LIMK2: variants seen among roughly 807,000 people sequenced by gnomAD.
LIMK2 encodes the protein LIM domain kinase 2.
A neutral mutation model predicts 75.7 loss-of-function variants in LIMK2; 35 were observed. The ratio of observed to expected loss-of-function variants is 0.46; its 90% confidence interval spans 0.35 to 0.61. The LOEUF is 0.61. Among genes scored for constraint, LIMK2 ranks in the 20% least tolerant of loss-of-function variants. The probability of loss-of-function intolerance (pLI) is 0.00; values close to 1 mark genes in which losing one functional copy is unlikely to be tolerated. For synonymous variants in LIMK2, 301 were observed against 319.2 expected (o/e 0.94, Z 0.61); for missense variants, 623 against 831.0 (o/e 0.75, Z 3.08).
At chr22:31,230,423 C>T (rs1201347133) in intron 2 of LIMK2, among the ~76,000 whole-genome samples, 1 of 152,066 alleles carries the variant, frequency 6.6e-6, no homozygotes, top group African/African-American at 2.4e-5. Context: ...GATGATTGTC[C>T]GTTCACCCTG....
chr22:31,260,125 T>A, intron 5 of LIMK2, 48 bp downstream of exon 5: 1 of 1,462,606 alleles, frequency 6.8e-7, no homozygotes, highest in Non-Finnish European at 9.1e-7. Flanking sequence ...GCAGAGTCTG[T>A]AAATGGGCCT....
At chr22:31,246,421 T>C (rs1304731104) in intron 2 of LIMK2, among the ~76,000 whole-genome samples, 3 of 151,292 alleles carry the variant, frequency 2.0e-5, no homozygotes, top group African/African-American at 7.3e-5. Flanking sequence ...TGTTGGAACA[T>C]AGCCATGTCC....
chr22:31,248,365 C>T lies in LIMK2; in HGVS notation c.117-9926C>T, dbSNP rs1480258453. 2.6e-5 allele frequency: 33 copies of T among 1,281,116 alleles called. 1 individual carries two copies. Among genetic ancestry groups the T allele is most frequent in the African/African-American group, 1.5e-5 (1 of 65,320 alleles). The allele number at this position is 1,281,116 out of a possible 1,614,324, so 79.4% of individuals were successfully genotyped here. A position where few individuals can be genotyped will look rare whatever the true frequency, so the allele number is the denominator to read the frequency against. ...GGACTGAAGAAGAAGGCTAACTTGA[C>T]AGCAGCGCTTCTTTCTTAGCTAGTC... On this transcript the variant is annotated intron_variant, in intron 2 of 15. Transcript: ENST00000331728.
intron 1 of LIMK2, among the ~76,000 whole-genome samples, chr22:31,219,166 T>C (rs1397583926): frequency 6.6e-6 from 1 of 152,186 alleles, no homozygotes; most frequent in Non-Finnish European, 1.5e-5. Context: ...TCTCTGAGCA[T>C]GGGTTTGAAT....
intron 2 of LIMK2, among the ~76,000 whole-genome samples, chr22:31,230,522 G>A (rs573005312): frequency 3.0e-4 from 45 of 152,142 alleles, no homozygotes; most frequent in Non-Finnish European, 6.0e-4. Context: ...GCTTGACCTG[G>A]TTCCTAGCAG....
intron 2 of LIMK2, among the ~76,000 whole-genome samples, chr22:31,256,188 AG>A (rs1210982344): frequency 2.8e-5 from 4 of 143,780 alleles, no homozygotes; most frequent in Non-Finnish European, 4.6e-5. Flanking sequence ...TAGTAGAGAC[AG>A]GGTTTCACCA....
intron 2 of LIMK2, among the ~76,000 whole-genome samples, chr22:31,254,249 T>C (rs998076684): frequency 5.3e-5 from 8 of 152,096 alleles, no homozygotes; most frequent in Non-Finnish European, 1.2e-4. Context: ...GAAAGGAGGG[T>C]GTGTTCTGGT....
chr22:31,256,732 T>A (rs563761066), intron 2 of LIMK2, among the ~76,000 whole-genome samples: 48 of 152,330 alleles, frequency 3.2e-4, no homozygotes, highest in Middle Eastern at 3.4e-3. Flanking sequence ...GTAAAATATC[T>A]TGCCCAAGAT....
At chr22:31,248,506 A>T in intron 2 of LIMK2, 1 of 1,555,752 alleles carries the variant, frequency 6.4e-7, no homozygotes, top group Non-Finnish European at 8.6e-7. Flanking sequence ...CATCCCAGCC[A>T]TGAGCCCCTG....
At chr22:31,254,099 CGTTGCTCT>C (rs2048752784) in intron 2 of LIMK2, among the ~76,000 whole-genome samples, 1 of 152,224 alleles carries the variant, frequency 6.6e-6, no homozygotes, top group African/African-American at 2.4e-5. Flanking sequence ...GGACTGGTGA[CGTTGCTCT>C]CCAGCCAGGT....
chr22:31,241,595 C>T (rs562352168), intron 2 of LIMK2, among the ~76,000 whole-genome samples: 1 of 152,222 alleles, frequency 6.6e-6, no homozygotes, highest in African/African-American at 2.4e-5. Context: ...CCAAGCACAT[C>T]ACACCCAGGA....
chr22:31,226,733 C>A (rs1241061465), intron 2 of LIMK2, among the ~76,000 whole-genome samples: 2 of 152,232 alleles, frequency 1.3e-5, no homozygotes, highest in African/African-American at 4.8e-5. Context: ...CTTCAGCCCC[C>A]CTAGTAGGTG....
rs1161160653 is a variant in LIMK2 at position 31,212,344 on chromosome 22, T to C, written c.-65T>C. The C allele has an allele frequency of 1.4e-5, 18 of 1,316,912 alleles. No individual in the cohort carries two copies. The highest frequency in any genetic ancestry group is 6.2e-5 in the Admixed American group (2 of 32,130). The allele number at this position is 1,316,912 out of a possible 1,614,324, so 81.6% of individuals were successfully genotyped here. On this transcript the variant is annotated 5_prime_UTR_variant, in exon 1 of 16. Coordinates refer to ENST00000331728, the MANE Select transcript of LIMK2 (RefSeq NM_005569.4). Reference sequence around the variant, plus strand: ...CGGCGGCAGGAGCTGAGGGGAGTTGTAGGGAACTGAGGGGAGCTGCTGTGT... The same window carrying C: ...CGGCGGCAGGAGCTGAGGGGAGTTGCAGGGAACTGAGGGGAGCTGCTGTGT...
intron 7 of LIMK2, among the ~76,000 whole-genome samples, chr22:31,263,595 T>A (rs1281746970): frequency 6.6e-6 from 1 of 151,784 alleles, no homozygotes; most frequent in East Asian, 1.9e-4. Context: ...ATCCCAACAC[T>A]CTGGGAGGCC....
In LIMK2 at chr22:31,278,386, A is replaced by G; in HGVS notation, c.1862A>G (p.Glu621Gly). The G allele has an allele frequency of 6.2e-7, 1 of 1,613,914 alleles. No individual in the cohort carries two copies. Among genetic ancestry groups the G allele is most frequent in the Non-Finnish European group, 8.5e-7 (1 of 1,179,946 alleles). The stretch of plus-strand genomic sequence containing the variant: ...ATCCCGCTGCCTGCAGAGCTGGAGG[A>G]GTTGGACCACACTGTGAGCATGCAG... ...LGIPLPAELEELDHTVSMQYG... is the reference protein window; with the variant it reads ...LGIPLPAELEGLDHTVSMQYG... Residue 621 changes from glutamate (E) to glycine (G), a missense_variant, in exon 16 of 16, where the codon GAG (glutamate) becomes GGG (glycine). By Grantham distance (98) the Glu-to-Gly change is moderately conservative. Coordinates refer to ENST00000331728, the MANE Select transcript of LIMK2 (RefSeq NM_005569.4).
chr22:31,273,616 C>T, intron 14 of LIMK2, 109 bp downstream of exon 14: 1 of 836,582 alleles, frequency 1.2e-6, no homozygotes, highest in South Asian at 1.4e-5. Flanking sequence ...CTAAAATCAA[C>T]ATGGGTGTAG....
At chr22:31,276,502 T>A (rs924956731) in intron 15 of LIMK2, among the ~76,000 whole-genome samples, 17 of 142,274 alleles carry the variant, frequency 1.2e-4, no homozygotes, top group African/African-American at 4.3e-4. Context: ...GGCGGGCGGA[T>A]CGGCGGGGAG....
intron 2 of LIMK2, among the ~76,000 whole-genome samples, chr22:31,232,889 C>T (rs1358524246): frequency 1.3e-5 from 2 of 152,186 alleles, no homozygotes; most frequent in African/African-American, 4.8e-5. Context: ...TGAGCCACGG[C>T]ACCTGGCCTG....
intron 15 of LIMK2, chr22:31,277,271 C>T (rs924262491): frequency 7.2e-5 from 108 of 1,505,158 alleles, no homozygotes; most frequent in Non-Finnish European, 9.1e-5. Context: ...TGCCCCTGGC[C>T]CAGGGGTCTC....
Sources: allele counts gnomAD v4.1 joint callset (sites outside exome capture counted in the v4.1 genomes callset), GRCh38; gene constraint gnomAD v4.1.1; transcripts MANE v1.5; gene names NCBI Gene and HGNC (gene_info 2026-07-23, HGNC 2026-07-21).